Variants in P2RX7 observed in about 807,000 individuals in gnomAD.
P2RX7 encodes the protein purinergic receptor P2X 7.
A neutral mutation model predicts 71.6 loss-of-function variants in P2RX7; 62 were observed. That is an observed-to-expected ratio of 0.87 (90% CI 0.71 to 1.07). The LOEUF (loss-of-function observed/expected upper bound fraction) is 1.07, where lower values mean the gene tolerates loss of function less well. Ranked by LOEUF, P2RX7 falls within the 50% of genes least tolerant of loss-of-function variation. P2RX7 has a pLI of 0.00. For synonymous variants in P2RX7, 299 were observed against 283.3 expected (o/e 1.06, Z -0.56); for missense variants, 686 against 748.5 (o/e 0.92, Z 0.97).
chr12:121,182,295 T>C (rs544913137), intron 12 of P2RX7, among the ~76,000 whole-genome samples: 2 of 152,330 alleles, frequency 1.3e-5, no homozygotes, highest in South Asian at 2.1e-4. Context: ...ACCAAAGTGT[T>C]TCCATTCTTG....
rs201043741 is a variant in P2RX7 at position 121,184,512 on chromosome 12, C to G, written c.1498C>G (p.Arg500Gly). 4 of 1,614,060 alleles carry G rather than the reference C, an allele frequency of 2.5e-6. No homozygotes were observed. In the African/African-American group the frequency reaches 5.3e-5, roughly 22 times the overall value. ...CAGGTGCCTGGAGGAGCTGTGCTGC[C>G]GGAAAAAGCCGGGGGCCTGCATCAC... is the stretch of plus-strand genomic sequence containing the variant. Reference protein sequence around the residue: ...SHRCLEELCCRKKPGACITTS... With the variant: ...SHRCLEELCCGKKPGACITTS... The change falls in exon 13 of 13, where the codon CGG (arginine) becomes GGG (glycine). Residue 500 changes from arginine (R) to glycine (G), a missense_variant. Arg to Gly is a moderately radical substitution (Grantham distance 125, BLOSUM62 -2). Transcript: ENST00000328963.
At chr12:121,157,455 C>T (rs1011332937) in intron 3 of P2RX7, among the ~76,000 whole-genome samples, 3 of 152,218 alleles carry the variant, frequency 2.0e-5, no homozygotes, top group Non-Finnish European at 2.9e-5. Flanking sequence ...TTGTCCTCAT[C>T]ACCCCTTAAC....
intron 4 of P2RX7, among the ~76,000 whole-genome samples, chr12:121,161,298 G>A (rs182118655): frequency 1.3e-3 from 196 of 152,246 alleles, no homozygotes; most frequent in African/African-American, 4.6e-3. Context: ...CAAAGGTTGA[G>A]GACCATGAAC....
intron 1 of P2RX7, among the ~76,000 whole-genome samples, chr12:121,139,844 C>T (rs530768369): frequency 2.2e-4 from 33 of 151,076 alleles, no homozygotes; most frequent in East Asian, 1.2e-3. Context: ...ATGCGATTCT[C>T]CTGCCTCAGC....
At chr12:121,138,348 G>A (rs935039716) in intron 1 of P2RX7, among the ~76,000 whole-genome samples, 3 of 152,196 alleles carry the variant, frequency 2.0e-5, no homozygotes, top group Non-Finnish European at 4.4e-5. Context: ...AACCTCAGAG[G>A]AGCAAACAAG....
chr12:121,166,003 A>T, intron 6 of P2RX7, 55 bp from the exon 7 acceptor site: 1 of 1,566,186 alleles, frequency 6.4e-7, no homozygotes. Context: ...GGAAAGAGAC[A>T]GATCTGTTTT....
chr12:121,147,599 T>TTTTTG (rs1555223826), intron 1 of P2RX7, among the ~76,000 whole-genome samples: 1 of 151,664 alleles, frequency 6.6e-6, no homozygotes, highest in East Asian at 1.9e-4. Flanking sequence ...GGCAGTTTTT[T>TTTTTG]TTGTTGTTGT....
chr12:121,164,059 C>G lies in P2RX7; in HGVS notation c.534-1298C>G, dbSNP rs1293061942. On this transcript the variant is annotated intron_variant, in intron 5 of 12. Transcript: ENST00000328963. ...AGGAATCACCCAGCTCTGGGAGATA[C>G]AGCAGCCTCCACTCAGGTAGTCCTT... is the stretch of plus-strand genomic sequence containing the variant. 3.3e-5 allele frequency among the ~76,000 whole-genome samples: 5 copies of G among 152,156 alleles called. No homozygotes were observed. In the East Asian group the frequency reaches 9.6e-4, roughly 29 times the overall value.
At chr12:121,172,473 A>T (rs1342107203) in intron 8 of P2RX7, among the ~76,000 whole-genome samples, 1 of 152,184 alleles carries the variant, frequency 6.6e-6, no homozygotes, top group Non-Finnish European at 1.5e-5. Flanking sequence ...CTATAAAAAA[A>T]TTTTAAAAAT....
chr12:121,175,525 T>C (rs1192046663), intron 9 of P2RX7, 47 bp downstream of exon 9: 2 of 845,158 alleles, frequency 2.4e-6, no homozygotes, highest in Non-Finnish European at 4.2e-6. Flanking sequence ...TATGACTGTG[T>C]CCTAATTACT....
intron 12 of P2RX7, among the ~76,000 whole-genome samples, chr12:121,183,924 G>A (rs983499449): frequency 2.0e-5 from 3 of 152,094 alleles, no homozygotes; most frequent in African/African-American, 7.2e-5. Context: ...AATTAGCTGG[G>A]CATGGTGGCA....
intron 4 of P2RX7, 69 bp downstream of exon 4, chr12:121,161,043 C>G: frequency 8.4e-7 from 1 of 1,185,608 alleles, no homozygotes; most frequent in South Asian, 1.2e-5. Flanking sequence ...ATTTGTGATG[C>G]CCAGGTCAGG....
chr12:121,174,536 A>C (rs1234148876), intron 8 of P2RX7, among the ~76,000 whole-genome samples: 2 of 152,026 alleles, frequency 1.3e-5, no homozygotes, highest in Non-Finnish European at 2.9e-5. Flanking sequence ...AAAACAAAAC[A>C]AAAAACACAA....
At chr12:121,166,262 G>T in intron 7 of P2RX7, 75 bp downstream of exon 7, 1 of 1,478,808 alleles carries the variant, frequency 6.8e-7, no homozygotes, top group Non-Finnish European at 9.3e-7. Context: ...CCAAGAGGCC[G>T]GGCCACTGGG....
At position 121,173,176 on chromosome 12, in the gene P2RX7, T is replaced by TTTTGTTTG. The variant is rs148833286; in HGVS notation, c.882-2191_882-2184dup. Among the ~76,000 whole-genome samples the TTTTGTTTG allele has an allele frequency of 1.8e-3, 274 of 150,896 alleles. 2 individuals are homozygous for TTTTGTTTG. The Middle Eastern group carries it at 0.024, about 13-fold the overall frequency. Reference sequence around the variant, plus strand: ...AGAGGTCAATGCCACTCAAAGAATATTTTGTTTGTTTGTTTGTTTGTTTGT... The same window carrying TTTTGTTTG: ...AGAGGTCAATGCCACTCAAAGAATATTTTGTTTGTTTGTTTGTTTGTTTGTTTGTTTGT... On this transcript the variant is annotated intron_variant, in intron 8 of 12. Transcript: ENST00000328963.
rs1379510431 is a variant in P2RX7 at position 121,154,964 on chromosome 12, C to T, written c.294+11C>T. ...ACCTTCCCTTTGCAGGTGAGCACCT[C>T]GTAGCATTCTCCCAGGCTCGTCGCT... On this transcript the variant is annotated intron_variant, in intron 2 of 12. Transcript: ENST00000328963. The surrounding 1 kb of genome is among the most constrained non-coding windows in gnomAD (Gnocchi z 4.2). The T allele has an allele frequency of 2.5e-6, 4 of 1,613,794 alleles. No individual in the cohort carries two copies. Among genetic ancestry groups the T allele is most frequent in the East Asian group, 2.2e-5 (1 of 44,888 alleles).
chr12:121,149,237 G>C lies in P2RX7; in HGVS notation c.126-5548G>C. ...AGCAAGCAGCCTCAGGGTCCCATGG[G>C]CCCAACCTCACCCTCCATCCTTATT... On this transcript the variant is annotated intron_variant, in intron 1 of 12. Transcript: ENST00000328963. This position sits in a 1 kb window ranked among gnomAD's most constrained non-coding sequence, Gnocchi z 4.7. 1 of 316,522 alleles carries C rather than the reference G, an allele frequency of 3.2e-6. No individual in the cohort carries two copies. The highest frequency in any genetic ancestry group is 4.3e-5 in the Admixed American group (1 of 23,446). 19.6% of individuals were successfully genotyped at this position (316,522 alleles called of 1,614,324 possible). A position where few individuals can be genotyped will look rare whatever the true frequency, so the allele number is the denominator to read the frequency against.
In P2RX7 at chr12:121,186,656, GGTCAGGA is replaced by G. The variant is rs1428398734; in HGVS notation, c.*1857_*1863del. ...AGGCTGAGGCGGGTGGATCACCTGAGGTCAGGAGTTCGAGACCAGCCTGGCCAACATG... is the reference window on the plus strand; with the variant it reads ...AGGCTGAGGCGGGTGGATCACCTGAGGTTCGAGACCAGCCTGGCCAACATG... On this transcript the variant is annotated 3_prime_UTR_variant, in exon 13 of 13. Coordinates refer to ENST00000328963, the MANE Select transcript of P2RX7 (RefSeq NM_002562.6). 6.6e-6 allele frequency: 1 copy of G among 152,142 alleles called. No individual in the cohort carries two copies. The highest frequency in any genetic ancestry group is 6.6e-5 in the Admixed American group (1 of 15,258). 9.4% of individuals were successfully genotyped at this position (152,142 alleles called of 1,614,324 possible). A position where few individuals can be genotyped will look rare whatever the true frequency, so the allele number is the denominator to read the frequency against.
In P2RX7 at chr12:121,184,562, G is replaced by T; in HGVS notation, c.1548G>T (p.Leu516=). The T allele has an allele frequency of 6.2e-7, 1 of 1,614,192 alleles. No individual in the cohort carries two copies. Among genetic ancestry groups the T allele is most frequent in the Non-Finnish European group, 8.5e-7 (1 of 1,180,042 alleles). ...CCACCTCAGAGCTGTTCAGGAAGCT[G>T]GTCCTGTCCAGACACGTCCTGCAGT... is the stretch of plus-strand genomic sequence containing the variant. ...CITTSELFRK[L]VLSRHVLQFL... Residue 516 remains leucine (L), a synonymous_variant, in exon 13 of 13, where the codon CTG becomes CTT. Coordinates refer to ENST00000328963, the MANE Select transcript of P2RX7 (RefSeq NM_002562.6).
Sources: gnomAD v4.1 joint callset for allele counts (sites outside exome capture counted in the v4.1 genomes callset) on GRCh38, gnomAD v4.1.1 for gene constraint, Gnocchi (gnomAD v3.1) non-coding constraint, MANE v1.5 for transcripts, NCBI Gene and HGNC (gene_info 2026-07-23, HGNC 2026-07-21) for gene names.